The following ZNF385B variants were observed in gnomAD, a reference collection of about 807,000 sequenced individuals.
ZNF385B encodes zinc finger protein 533.
Under a neutral mutation model 39.2 loss-of-function variants are expected in ZNF385B, and 23 were observed. That is an observed-to-expected ratio of 0.59 (90% CI 0.42 to 0.83). The LOEUF (loss-of-function observed/expected upper bound fraction) is 0.83. Ranked by LOEUF, ZNF385B falls within the 40% of genes least tolerant of loss-of-function variation. ZNF385B has a pLI of 0.00. For missense variants in ZNF385B, 552 were observed against 598.9 expected, an observed-to-expected ratio of 0.92 and a Z score of 0.82; for synonymous variants, 205 against 222.6, an observed-to-expected ratio of 0.92 and a Z score of 0.70.
rs1403256033 is a variant in ZNF385B, at chr2:179,770,611, C to T, written c.-93G>A. 6.6e-6 allele frequency: 1 copy of T among 152,082 alleles called. No individual in the cohort carries two copies. Among genetic ancestry groups the T allele is most frequent in the East Asian group, 1.9e-4 (1 of 5,192 alleles). 9.4% of individuals were successfully genotyped at this position (152,082 alleles called of 1,614,324 possible). ...TCTTGTAGTGAAACAAACTGTTTTT[C>T]GGTTTCCAGGTTAGCCCATAAACAT... On this transcript the variant is annotated 5_prime_UTR_variant, in exon 2 of 10. Coordinates refer to ENST00000410066, the MANE Select transcript of ZNF385B (RefSeq NM_152520.6).
At chr2:179,847,204 C>T (rs570329754) in intron 1 of ZNF385B, among the ~76,000 whole-genome samples, 8 of 152,240 alleles carry the variant, frequency 5.3e-5, no homozygotes, top group Admixed American at 2.0e-4. Context: ...TATGACCAGG[C>T]TATAGCTGAT....
intron 3 of ZNF385B, among the ~76,000 whole-genome samples, chr2:179,675,880 T>C (rs1696695111): frequency 6.6e-6 from 1 of 151,190 alleles, no homozygotes; most frequent in East Asian, 2.0e-4. Flanking sequence ...CTCCGCCTCC[T>C]GGGTTCAAGT....
chr2:179,763,229 G>A (rs1047473027), intron 3 of ZNF385B, among the ~76,000 whole-genome samples: 1 of 152,040 alleles, frequency 6.6e-6, no homozygotes, highest in African/African-American at 2.4e-5. Context: ...TATTTTAGTT[G>A]AATTTTAGTT....
rs1300764305 is a variant in ZNF385B at position 179,524,551 on chromosome 2, C to CAAAAAAAAGAAAAA, written c.442-5914_442-5913insTTTTTCTTTTTTTT. Among the ~76,000 whole-genome samples, 82 of 60,990 alleles carry CAAAAAAAAGAAAAA rather than the reference C, an allele frequency of 1.3e-3. 3 individuals carry two copies. Among genetic ancestry groups the CAAAAAAAAGAAAAA allele is most frequent in the Non-Finnish European group, 2.0e-3 (76 of 37,648 alleles). The allele number at this position is 60,990 out of a possible 152,430, so 40.0% of individuals were successfully genotyped here. On this transcript the variant is annotated intron_variant, in intron 4 of 9. Transcript: ENST00000410066. ...TGGGTGACAGAGCGAGACTCCGTCTCAAAAAAAAAAAAAAAAAAAAAAAAA... is the reference window on the plus strand; with the variant it reads ...TGGGTGACAGAGCGAGACTCCGTCTCAAAAAAAAGAAAAAAAAAAAAAAAAAAAAAAAAAAAAAA...
intron 1 of ZNF385B, among the ~76,000 whole-genome samples, chr2:179,831,248 G>A (rs1281647084): frequency 6.6e-6 from 1 of 152,120 alleles, no homozygotes; most frequent in Non-Finnish European, 1.5e-5. Context: ...CAGGTACTGT[G>A]CTGCAAATTT....
chr2:179,767,675 A>C (rs906750014), intron 3 of ZNF385B, among the ~76,000 whole-genome samples: 1 of 152,116 alleles, frequency 6.6e-6, no homozygotes, highest in Admixed American at 6.5e-5. Context: ...TAAACAGTAG[A>C]TAGTGTACGC....
chr2:179,808,900 T>A (rs949816776), intron 1 of ZNF385B, among the ~76,000 whole-genome samples: 13 of 152,172 alleles, frequency 8.5e-5, no homozygotes, highest in African/African-American at 3.1e-4. Flanking sequence ...ATATCAGCAA[T>A]GTGTTCCTCC....
At chr2:179,856,520 G>A (rs1440684030) in intron 1 of ZNF385B, among the ~76,000 whole-genome samples, 2 of 151,640 alleles carry the variant, frequency 1.3e-5, no homozygotes, top group African/African-American at 4.9e-5. Flanking sequence ...CCCTATTTCA[G>A]TGCTCCTTTT....
intron 1 of ZNF385B, among the ~76,000 whole-genome samples, chr2:179,775,798 A>T (rs1034804149): frequency 6.6e-6 from 1 of 152,234 alleles, no homozygotes; most frequent in Non-Finnish European, 1.5e-5. Flanking sequence ...TGGAGATAAT[A>T]TAGCTCCAAG....
rs560646289 is a variant in ZNF385B, at chr2:179,633,560, A to G, written c.299-88591T>C. Among the ~76,000 whole-genome samples, 3 of 152,318 alleles carry G rather than the reference A, an allele frequency of 2.0e-5. 1 individual carries two copies. Among genetic ancestry groups the G allele is most frequent in the African/African-American group, 7.2e-5 (3 of 41,576 alleles). On this transcript the variant is annotated intron_variant, in intron 3 of 9. Coordinates refer to ENST00000410066, the MANE Select transcript of ZNF385B (RefSeq NM_152520.6). ...TATTGATGGAATGTACGTCAAAATA[A>G]TAAAAGCTATTTATGACAAACCCAC... is the stretch of plus-strand genomic sequence containing the variant.
intron 3 of ZNF385B, among the ~76,000 whole-genome samples, chr2:179,697,111 C>A (rs1275500715): frequency 6.6e-6 from 1 of 152,124 alleles, no homozygotes; most frequent in African/African-American, 2.4e-5. Flanking sequence ...CCCTTGAAGT[C>A]TGATTTAATT....
At chr2:179,525,773 A>G (rs1482487117) in intron 4 of ZNF385B, among the ~76,000 whole-genome samples, 1 of 152,226 alleles carries the variant, frequency 6.6e-6, no homozygotes, top group African/African-American at 2.4e-5. Context: ...CAGAACTTCA[A>G]ATATTCATGA....
intron 6 of ZNF385B, among the ~76,000 whole-genome samples, chr2:179,456,816 A>G (rs2050755973): frequency 6.6e-6 from 1 of 152,210 alleles, no homozygotes; most frequent in African/African-American, 2.4e-5. Flanking sequence ...ACCAAGCACT[A>G]TTTTAAGAAT....
chr2:179,749,032 T>C, intron 3 of ZNF385B, among the ~76,000 whole-genome samples: 1 of 152,158 alleles, frequency 6.6e-6, no homozygotes. Context: ...AAACTGCATT[T>C]ATTTTTTTGA....
intron 3 of ZNF385B, among the ~76,000 whole-genome samples, chr2:179,650,178 T>A (rs1323530192): frequency 6.6e-6 from 1 of 152,216 alleles, no homozygotes; most frequent in African/African-American, 2.4e-5. Flanking sequence ...GTATGTAACA[T>A]GTAGACTACA....
chr2:179,829,548 C>G (rs1255363442), intron 1 of ZNF385B, among the ~76,000 whole-genome samples: 2 of 151,962 alleles, frequency 1.3e-5, no homozygotes, highest in East Asian at 1.9e-4. Flanking sequence ...GGGTCTTGCT[C>G]TGTCGCCCAG....
chr2:179,589,634 A>C (rs1459611544), intron 3 of ZNF385B, among the ~76,000 whole-genome samples: 1 of 152,200 alleles, frequency 6.6e-6, no homozygotes, highest in Non-Finnish European at 1.5e-5. Context: ...ACTGATGCTG[A>C]GCCTAATATG....
chr2:179,634,801 C>T (rs1334477504), intron 3 of ZNF385B, among the ~76,000 whole-genome samples: 1 of 152,118 alleles, frequency 6.6e-6, no homozygotes, highest in East Asian at 1.9e-4. Context: ...TTGGAACCAA[C>T]CCAGATGTCC....
At chr2:179,767,090 G>C (rs1303698906) in intron 3 of ZNF385B, among the ~76,000 whole-genome samples, 1 of 152,218 alleles carries the variant, frequency 6.6e-6, no homozygotes, top group African/African-American at 2.4e-5. Context: ...CTAACACAGT[G>C]TGGAAGAAAG....
Sources: gnomAD v4.1 joint callset for allele counts (sites outside exome capture counted in the v4.1 genomes callset) on GRCh38, gnomAD v4.1.1 for gene constraint, MANE v1.5 for transcripts, NCBI Gene and HGNC (gene_info 2026-07-23, HGNC 2026-07-21) for gene names.